SEPTIN11: variants seen among roughly 807,000 people sequenced by gnomAD.
SEPTIN11 encodes the protein septin-11.
SEPTIN11 carries 25 observed loss-of-function variants against 51.4 expected under a neutral mutation model. The ratio of observed to expected loss-of-function variants is 0.49; its 90% CI spans 0.35 to 0.68. SEPTIN11 has a LOEUF of 0.68. Ranked by LOEUF, SEPTIN11 falls within the 30% of genes least tolerant of loss-of-function variation. The pLI is 0.00. For missense variants in SEPTIN11, 381 were observed against 520.8 expected, an observed-to-expected ratio of 0.73 and a Z score of 2.61; for synonymous variants, 174 against 184.1, an observed-to-expected ratio of 0.95 and a Z score of 0.44.
intron 5 of SEPTIN11, among the ~76,000 whole-genome samples, chr4:77,018,426 GCA>G (rs2109967330): frequency 6.7e-6 from 1 of 150,336 alleles, no homozygotes; most frequent in Non-Finnish European, 1.5e-5. Flanking sequence ...TCCAGCCTGG[GCA>G]ACAGAGCGAG....
Position 77,036,299 on chromosome 4 carries a change from T to A in SEPTIN11, c.*1787T>A, listed in dbSNP as rs1228154063. ...CTTTTGTTTTTTTAAATAATTCTAG[T>A]CTGGAGCTAACTGTGGAGCAGCCAA... On this transcript the variant is annotated 3_prime_UTR_variant, in exon 10 of 10. Coordinates refer to ENST00000264893, the MANE Select transcript of SEPTIN11 (RefSeq NM_018243.4). The A allele has an allele frequency of 9.8e-7, 1 of 1,018,962 alleles. No individual in the cohort carries two copies. The highest frequency in any genetic ancestry group is 1.1e-4 in the East Asian group (1 of 9,450). 63.1% of individuals were successfully genotyped at this position (1,018,962 alleles called of 1,614,324 possible).
rs536232443 is a variant in SEPTIN11, at chr4:77,030,640, C to G, written c.1087-143C>G. The G allele has an allele frequency of 4.6e-5, 30 of 647,088 alleles. No homozygotes were observed. In the East Asian group the frequency reaches 8.0e-4, roughly 17 times the overall value. The allele number at this position is 647,088 out of a possible 1,614,324, so 40.1% of individuals were successfully genotyped here. A position where few individuals can be genotyped will look rare whatever the true frequency, so the allele number is the denominator to read the frequency against. On this transcript the variant is annotated intron_variant, in intron 8 of 9. Coordinates refer to ENST00000264893, the MANE Select transcript of SEPTIN11 (RefSeq NM_018243.4). ...TTGAACTCCTGACCTCGTGATCCAC[C>G]CACCTCGGCCTCCCAAAGTGCTGAA...
At chr4:76,991,624 C>T (rs1305854851) in intron 1 of SEPTIN11, among the ~76,000 whole-genome samples, 1 of 152,172 alleles carries the variant, frequency 6.6e-6, no homozygotes, top group Non-Finnish European at 1.5e-5. Flanking sequence ...TTTTGTTTCA[C>T]TGATAGATTT....
At chr4:76,989,589 TA>T (rs1286956723) in intron 1 of SEPTIN11, among the ~76,000 whole-genome samples, 3 of 152,220 alleles carry the variant, frequency 2.0e-5, no homozygotes, top group Non-Finnish European at 4.4e-5. Context: ...CCGAGCTTGT[TA>T]ATTTCAGTAG....
At chr4:76,991,070 G>C (rs1309267571) in intron 1 of SEPTIN11, among the ~76,000 whole-genome samples, 1 of 152,136 alleles carries the variant, frequency 6.6e-6, no homozygotes, top group Non-Finnish European at 1.5e-5. Context: ...GAGCCCTGCT[G>C]GTCAGCAGCT....
intron 2 of SEPTIN11, among the ~76,000 whole-genome samples, chr4:77,004,865 A>G (rs555525906): frequency 1.3e-5 from 2 of 152,330 alleles, no homozygotes; most frequent in East Asian, 3.9e-4. Flanking sequence ...CAGGAGGCTG[A>G]TCTGGGAGGA....
intron 1 of SEPTIN11, chr4:76,958,800 T>TA (rs941473054): frequency 3.9e-4 from 423 of 1,078,684 alleles, no homozygotes; most frequent in Non-Finnish European, 4.3e-4. Context: ...TTTTGTAAAT[T>TA]AAAAAAAAAT....
intron 3 of SEPTIN11, among the ~76,000 whole-genome samples, chr4:77,006,793 C>T (rs371718048): frequency 1.1e-4 from 16 of 152,178 alleles, no homozygotes; most frequent in African/African-American, 3.6e-4. Context: ...AAGAGGAACT[C>T]GACTATTTTT....
chr4:77,031,721 A>G (rs780654903), intron 9 of SEPTIN11: 1 of 152,210 alleles, frequency 6.6e-6, no homozygotes, highest in Admixed American at 6.5e-5. Flanking sequence ...CATAAAGCCT[A>G]GTTTTATGTC....
At chr4:76,962,414 G>C (rs1461339779) in intron 1 of SEPTIN11, among the ~76,000 whole-genome samples, 1 of 152,176 alleles carries the variant, frequency 6.6e-6, no homozygotes, top group Non-Finnish European at 1.5e-5. Context: ...AATAGTCTTA[G>C]CTTAAGGGAC....
At chr4:76,966,627 C>T (rs112891380) in intron 1 of SEPTIN11, among the ~76,000 whole-genome samples, 20 of 151,616 alleles carry the variant, frequency 1.3e-4, no homozygotes, top group African/African-American at 4.4e-4. Flanking sequence ...TTTGGGAGGC[C>T]GAGGAAGATA....
chr4:77,033,033 G>A (rs1560753269), intron 9 of SEPTIN11, among the ~76,000 whole-genome samples: 3 of 152,154 alleles, frequency 2.0e-5, no homozygotes, highest in Non-Finnish European at 1.5e-5. Context: ...GTTCAGAGTA[G>A]TCGCCAGGTT....
chr4:76,995,721 C>A, intron 1 of SEPTIN11: 2 of 1,373,422 alleles, frequency 1.5e-6, no homozygotes, highest in South Asian at 1.7e-5. Flanking sequence ...AGTGATTTTA[C>A]TTTAGCTTCC....
At position 77,030,857 on chromosome 4, in the gene SEPTIN11, G is replaced by T. The variant is rs892717514; in HGVS notation, c.1161G>T (p.Glu387Asp). The change falls in exon 9 of 10, where the codon GAG becomes GAT. Residue 387 changes from glutamate (E) to aspartate (D), a missense_variant. Glu to Asp is a conservative substitution (Grantham distance 45). This residue lies in a region of SEPTIN11 where 197 missense variants were observed against 313.1 expected (regional missense o/e 0.63). Coordinates refer to ENST00000264893, the MANE Select transcript of SEPTIN11 (RefSeq NM_018243.4). ...EKKKVEDKKK[E>D]LEEEVNNFQK... is the part of the protein sequence containing the mutation. ...AGAAAGTGGAAGACAAGAAGAAGGAGCTTGAGGAGGAGGTGAACAACTTCC... is the reference window on the plus strand; with the variant it reads ...AGAAAGTGGAAGACAAGAAGAAGGATCTTGAGGAGGAGGTGAACAACTTCC... 3 of 1,613,832 alleles carry T rather than the reference G, an allele frequency of 1.9e-6. No homozygotes were observed. Among genetic ancestry groups the T allele is most frequent in the East Asian group, 2.2e-5 (1 of 44,884 alleles).
intron 2 of SEPTIN11, among the ~76,000 whole-genome samples, chr4:77,000,298 T>C (rs1462080827): frequency 6.6e-6 from 1 of 152,246 alleles, no homozygotes; most frequent in African/African-American, 2.4e-5. Context: ...TCAACATAAA[T>C]TGTGGAAATT....
intron 1 of SEPTIN11, among the ~76,000 whole-genome samples, chr4:76,951,543 C>T (rs1721346862): frequency 6.6e-6 from 1 of 152,214 alleles, no homozygotes; most frequent in Admixed American, 6.5e-5. Context: ...ACTCCTCCCC[C>T]TGCCCCCCAT....
intron 2 of SEPTIN11, 33 bp downstream of exon 2, chr4:76,996,572 T>G: frequency 6.9e-6 from 10 of 1,443,702 alleles, no homozygotes; most frequent in Non-Finnish European, 8.8e-6. Context: ...GCAAGAAATT[T>G]GATCCTTAGA....
At chr4:77,031,331 A>C in intron 9 of SEPTIN11, 1 of 167,794 alleles carries the variant, frequency 6.0e-6, no homozygotes, top group Admixed American at 6.4e-5. Context: ...TAAAATCACA[A>C]TTGTTAAAAT....
At chr4:76,965,582 A>G (rs1031105191) in intron 1 of SEPTIN11, among the ~76,000 whole-genome samples, 1 of 151,488 alleles carries the variant, frequency 6.6e-6, no homozygotes, top group Non-Finnish European at 1.5e-5. Context: ...ATTATAGGAA[A>G]TACTTATTTT....
Sources: allele counts gnomAD v4.1 joint callset (sites outside exome capture counted in the v4.1 genomes callset), GRCh38; gene constraint gnomAD v4.1.1; regional missense constraint gnomAD v4.1.1; transcripts MANE v1.5; gene names NCBI Gene and HGNC (gene_info 2026-07-23, HGNC 2026-07-21).